Variants in OSBP2 observed in about 807,000 individuals in gnomAD.
The protein encoded by OSBP2 is oxysterol-binding protein 2.
A neutral mutation model predicts 96.0 loss-of-function variants in OSBP2; 66 were observed. The ratio of observed to expected loss-of-function variants is 0.69; its 90% CI spans 0.56 to 0.84. The LOEUF (loss-of-function observed/expected upper bound fraction) is 0.84, where lower values mean the gene tolerates loss of function less well. Ranked by LOEUF, OSBP2 falls within the 40% of genes least tolerant of loss-of-function variation. OSBP2 has a pLI of 0.00. For missense variants in OSBP2, 1,038 were observed against 1,222.7 expected (o/e 0.85, Z 2.25); for synonymous variants, 525 against 520.9 (o/e 1.01, Z -0.11).
chr22:30,785,372 C>A (rs530805726), intron 2 of OSBP2, among the ~76,000 whole-genome samples: 94 of 151,980 alleles, frequency 6.2e-4, no homozygotes, highest in African/African-American at 2.2e-3. Context: ...AGTTTGAGAC[C>A]AGCCTGGCCA....
Position 30,794,402 on chromosome 22 carries a change from T to G in OSBP2, c.853+53033T>G, listed in dbSNP as rs182702609. Among the ~76,000 whole-genome samples the G allele has an allele frequency of 6.5e-3, 994 of 151,890 alleles. 12 individuals are homozygous for G. Among genetic ancestry groups the G allele is most frequent in the Non-Finnish European group, 6.4e-3 (434 of 67,944 alleles). On this transcript the variant is annotated intron_variant, in intron 2 of 13. Transcript: ENST00000332585. ...GCCTCAGCCTCCTGAGTAGCTGAGA[T>G]GACAGGCGCCCGACATCATGTCCGA... is the stretch of plus-strand genomic sequence containing the variant.
chr22:30,800,987 A>G (rs946434100), intron 2 of OSBP2, among the ~76,000 whole-genome samples: 1 of 152,198 alleles, frequency 6.6e-6, no homozygotes, highest in Non-Finnish European at 1.5e-5. Context: ...AGGTGGGGTT[A>G]TAGACATGCT....
chr22:30,904,033 T>C lies in OSBP2; in HGVS notation c.2376-1804T>C, dbSNP rs573419334. The stretch of plus-strand genomic sequence containing the variant: ...GCACTTACCTGGGAGTGGTAGTGGT[T>C]AGGCTTTTGAGCTTGAACGCCCGCG... On this transcript the variant is annotated intron_variant, in intron 12 of 13. Transcript: ENST00000332585. 5.9e-5 allele frequency among the ~76,000 whole-genome samples: 9 copies of C among 152,338 alleles called. No homozygotes were observed. The South Asian group carries it at 1.9e-3, about 32-fold the overall frequency.
At chr22:30,831,265 AGTATAATGTGCCTT>A (rs1201672316) in intron 2 of OSBP2, among the ~76,000 whole-genome samples, 2 of 152,226 alleles carry the variant, frequency 1.3e-5, no homozygotes, top group Admixed American at 1.3e-4. Context: ...TTCTTTGGCC[AGTATAATGTGCCTT>A]GTTTTCACTT....
Position 30,811,169 on chromosome 22 carries a change from C to CT in OSBP2, c.854-59260_854-59259insT, listed in dbSNP as rs1180473193. On this transcript the variant is annotated intron_variant, in intron 2 of 13. Transcript: ENST00000332585. ...AAGCCATATAAGTATACACAACCCC[C>CT]CCCCCACACATACATATATAAAAAT... Among the ~76,000 whole-genome samples, 4 of 147,474 alleles carry CT rather than the reference C, an allele frequency of 2.7e-5. No homozygotes were observed. The East Asian group carries it at 6.3e-4, about 23-fold the overall frequency.
intron 2 of OSBP2, among the ~76,000 whole-genome samples, chr22:30,806,104 C>T (rs2090924622): frequency 6.6e-6 from 1 of 152,110 alleles, no homozygotes. Flanking sequence ...TCATCATGAC[C>T]CTGTGAGAGG....
chr22:30,889,602 G>C lies in OSBP2; in HGVS notation c.1589G>C (p.Cys530Ser). 5 of 1,614,032 alleles carry C rather than the reference G, an allele frequency of 3.1e-6. No individual in the cohort carries two copies. The highest frequency in any genetic ancestry group is 4.2e-6 in the Non-Finnish European group (5 of 1,180,034). Residue 530 changes from cysteine (C) to serine (S), a missense_variant, in exon 7 of 14, where the codon TGC becomes TCC. Transcript: ENST00000332585. Reference protein sequence around the residue: ...SLNLWSIMKNCIGRELSRIPM... With the variant: ...SLNLWSIMKNSIGRELSRIPM... ...AACCTCTGGAGCATCATGAAGAACTGCATCGGCCGGGAGCTCTCCAGGATC... is the reference window on the plus strand; with the variant it reads ...AACCTCTGGAGCATCATGAAGAACTCCATCGGCCGGGAGCTCTCCAGGATC...
intron 1 of OSBP2, among the ~76,000 whole-genome samples, chr22:30,712,355 A>C (rs946824208): frequency 6.6e-6 from 1 of 152,176 alleles, no homozygotes; most frequent in East Asian, 1.9e-4. Context: ...AATGTGCTCA[A>C]GCCTTCCCAC....
At chr22:30,704,847 C>A (rs1979393196) in intron 1 of OSBP2, among the ~76,000 whole-genome samples, 1 of 152,182 alleles carries the variant, frequency 6.6e-6, no homozygotes, top group African/African-American at 2.4e-5. Context: ...TCCCCAAATT[C>A]AAGCTACCAG....
chr22:30,731,242 A>G (rs556331055), intron 1 of OSBP2, among the ~76,000 whole-genome samples: 8 of 152,188 alleles, frequency 5.3e-5, no homozygotes, highest in African/African-American at 1.9e-4. Flanking sequence ...AGGGCAGTGA[A>G]GGAGCAATGG....
At position 30,906,474 on chromosome 22, in the gene OSBP2, T is replaced by A; in HGVS notation, c.*135T>A. 8.9e-7 allele frequency: 1 copy of A among 1,118,788 alleles called. No homozygotes were observed. Among genetic ancestry groups the A allele is most frequent in the Non-Finnish European group, 1.2e-6 (1 of 833,096 alleles). The allele number at this position is 1,118,788 out of a possible 1,614,324, so 69.3% of individuals were successfully genotyped here. A position where few individuals can be genotyped will look rare whatever the true frequency, so the allele number is the denominator to read the frequency against. On this transcript the variant is annotated 3_prime_UTR_variant, in exon 14 of 14. Coordinates refer to ENST00000332585, the MANE Select transcript of OSBP2 (RefSeq NM_030758.4). ...CCTATTTCCTTTCCTATTTTTTTTT[T>A]CTCCCCACACTTTCTTGGGACTCCC...
chr22:30,776,480 T>A (rs2090439326), intron 2 of OSBP2, among the ~76,000 whole-genome samples: 1 of 152,170 alleles, frequency 6.6e-6, no homozygotes, highest in Non-Finnish European at 1.5e-5. Flanking sequence ...ACAGTGTACT[T>A]CGCTGAAACA....
intron 1 of OSBP2, among the ~76,000 whole-genome samples, chr22:30,727,577 A>T (rs1033575342): frequency 1.3e-5 from 2 of 152,100 alleles, no homozygotes; most frequent in African/African-American, 2.4e-5. Context: ...GGACACTGAT[A>T]CCTGGACACT....
At chr22:30,848,602 A>T (rs1361861590) in intron 2 of OSBP2, among the ~76,000 whole-genome samples, 1 of 152,176 alleles carries the variant, frequency 6.6e-6, no homozygotes, top group Non-Finnish European at 1.5e-5. Flanking sequence ...ATCCCCCAAC[A>T]TCTTGCTTTA....
intron 8 of OSBP2, 56 bp from the exon 9 acceptor site, chr22:30,893,066 A>G (rs2147165475): frequency 6.2e-7 from 1 of 1,600,090 alleles, no homozygotes; most frequent in Non-Finnish European, 8.5e-7. Context: ...GGCTGGGGCA[A>G]GTGGAACCTG....
chr22:30,756,195 C>T (rs79519596), intron 2 of OSBP2, among the ~76,000 whole-genome samples: 1,883 of 152,298 alleles, frequency 0.012, 31 homozygotes, highest in Non-Finnish European at 0.016. Context: ...CACTTGGCCT[C>T]GCCCTGTGGT....
At chr22:30,793,604 G>A (rs984762929) in intron 2 of OSBP2, among the ~76,000 whole-genome samples, 2 of 151,526 alleles carry the variant, frequency 1.3e-5, no homozygotes, top group Non-Finnish European at 2.9e-5. Context: ...TGGGCAACAT[G>A]ACAAAACCCC....
At chr22:30,702,200 C>T (rs978434857) in intron 1 of OSBP2, among the ~76,000 whole-genome samples, 2 of 152,228 alleles carry the variant, frequency 1.3e-5, no homozygotes, top group Non-Finnish European at 2.9e-5. Context: ...TGGTTCAGGT[C>T]TGCCTTCTGC....
chr22:30,790,425 A>T (rs2090657616), intron 2 of OSBP2, among the ~76,000 whole-genome samples: 1 of 152,138 alleles, frequency 6.6e-6, no homozygotes, highest in African/African-American at 2.4e-5. Flanking sequence ...TTGGAGGGGC[A>T]TGGGAAAGAG....
Sources: allele counts gnomAD v4.1 joint callset (sites outside exome capture counted in the v4.1 genomes callset), GRCh38; gene constraint gnomAD v4.1.1; transcripts MANE v1.5; gene names NCBI Gene and HGNC (gene_info 2026-07-23, HGNC 2026-07-21).